Variants in ANKIB1 observed in about 807,000 individuals in gnomAD.
The protein encoded by ANKIB1 is ankyrin repeat and IBR domain containing 1.
A neutral mutation model predicts 122.1 loss-of-function variants in ANKIB1; 43 were observed. The observed-to-expected ratio is 0.35, with a 90% confidence interval of 0.28 to 0.45. ANKIB1 has a LOEUF of 0.45. Ranked by LOEUF, ANKIB1 falls within the 20% of genes least tolerant of loss-of-function variation. The pLI is 1.00. For synonymous variants in ANKIB1, 390 were observed against 442.0 expected, an observed-to-expected ratio of 0.88 and a Z score of 1.48; for missense variants, 992 against 1,329.5, an observed-to-expected ratio of 0.75 and a Z score of 3.95.
intron 1 of ANKIB1, chr7:92,294,469 G>T (rs1229360792): frequency 6.4e-6 from 1 of 156,422 alleles, no homozygotes; most frequent in East Asian, 1.8e-4. Flanking sequence ...TGCAGTTCTT[G>T]TTTGGGCAAA....
At chr7:92,308,213 GAGAA>G (rs978530528) in intron 3 of ANKIB1, among the ~76,000 whole-genome samples, 2 of 152,056 alleles carry the variant, frequency 1.3e-5, no homozygotes, top group Admixed American at 6.6e-5. Flanking sequence ...TTTAGGGAGA[GAGAA>G]AGCCTCACAG....
intron 10 of ANKIB1, 23 bp from the exon 11 acceptor site, chr7:92,371,454 T>C: frequency 6.3e-7 from 1 of 1,589,006 alleles, no homozygotes; most frequent in Admixed American, 1.8e-5. Flanking sequence ...TTTATTTTTG[T>C]GATTGTGTTT....
chr7:92,365,788 CTTTTTTTTTT>C (rs59131137), intron 10 of ANKIB1, among the ~76,000 whole-genome samples: 2 of 58,298 alleles, frequency 3.4e-5, no homozygotes, highest in East Asian at 6.2e-4. Flanking sequence ...ATTAAATAAT[CTTTTTTTTTT>C]TTTTTTTTTT....
intron 3 of ANKIB1, among the ~76,000 whole-genome samples, chr7:92,310,976 G>T (rs1312801026): frequency 6.6e-6 from 1 of 152,218 alleles, no homozygotes; most frequent in South Asian, 2.1e-4. Context: ...TTATTTTCAG[G>T]TGGTATCATA....
chr7:92,308,423 GGCAA>G (rs1019050469), intron 3 of ANKIB1, among the ~76,000 whole-genome samples: 1 of 151,920 alleles, frequency 6.6e-6, no homozygotes, highest in African/African-American at 2.4e-5. Flanking sequence ...GCAAATTTTT[GGCAA>G]GTGGGACCTA....
intron 4 of ANKIB1, among the ~76,000 whole-genome samples, chr7:92,323,796 A>G (rs1802966376): frequency 1.3e-5 from 2 of 152,372 alleles, no homozygotes; most frequent in South Asian, 4.1e-4. Flanking sequence ...CACACTATAT[A>G]TAATATGGAT....
At chr7:92,256,901 AG>A (rs1450382481) in intron 1 of ANKIB1, among the ~76,000 whole-genome samples, 1 of 152,220 alleles carries the variant, frequency 6.6e-6, no homozygotes, top group East Asian at 1.9e-4. Context: ...AATTGTCACA[AG>A]GGGCTGGCCA....
At chr7:92,367,139 G>C (rs1445880434) in intron 10 of ANKIB1, among the ~76,000 whole-genome samples, 1 of 152,204 alleles carries the variant, frequency 6.6e-6, no homozygotes, top group Non-Finnish European at 1.5e-5. Flanking sequence ...TTTTGATTTG[G>C]AAAGATGGAA....
intron 5 of ANKIB1, among the ~76,000 whole-genome samples, chr7:92,341,911 C>A (rs570526756): frequency 2.0e-5 from 3 of 152,020 alleles, no homozygotes; most frequent in South Asian, 2.1e-4. Flanking sequence ...GGACTTAACC[C>A]CATCGTAAGT....
chr7:92,261,316 TC>T (rs1411302471), intron 1 of ANKIB1, among the ~76,000 whole-genome samples: 3 of 139,842 alleles, frequency 2.1e-5, no homozygotes, highest in Non-Finnish European at 4.5e-5. Flanking sequence ...GCCACTGCAC[TC>T]CAGCCTGGGC....
chr7:92,257,704 A>G (rs1025286855), intron 1 of ANKIB1, among the ~76,000 whole-genome samples: 5 of 152,226 alleles, frequency 3.3e-5, no homozygotes, highest in Non-Finnish European at 5.9e-5. Flanking sequence ...AGGCAGGAGA[A>G]TCACTTGAAC....
At chr7:92,324,097 G>A (rs1802972379) in intron 4 of ANKIB1, among the ~76,000 whole-genome samples, 1 of 152,160 alleles carries the variant, frequency 6.6e-6, no homozygotes, top group Non-Finnish European at 1.5e-5. Context: ...AATGTTTATA[G>A]GACTTTCTTT....
chr7:92,262,783 T>A (rs982871650), intron 1 of ANKIB1, among the ~76,000 whole-genome samples: 36 of 152,128 alleles, frequency 2.4e-4, no homozygotes, highest in African/African-American at 8.2e-4. Flanking sequence ...AGAAAAAAGA[T>A]TTTAGAAACA....
At chr7:92,331,874 A>G (rs1171303229) in intron 5 of ANKIB1, among the ~76,000 whole-genome samples, 1 of 152,108 alleles carries the variant, frequency 6.6e-6, no homozygotes, top group Admixed American at 6.5e-5. Flanking sequence ...CAGCCAAATC[A>G]TATAGTGTTC....
At chr7:92,354,809 G>A (rs1315409709) in intron 9 of ANKIB1, among the ~76,000 whole-genome samples, 1 of 152,114 alleles carries the variant, frequency 6.6e-6, no homozygotes, top group African/African-American at 2.4e-5. Context: ...TCAATGAGAA[G>A]CAAAATCTGT....
intron 2 of ANKIB1, 86 bp downstream of exon 2, chr7:92,295,252 T>C (rs1248153920): frequency 9.8e-7 from 1 of 1,022,330 alleles, no homozygotes; most frequent in African/African-American, 1.6e-5. Context: ...GAACTATGAT[T>C]TTTGAAAATA....
intron 2 of ANKIB1, among the ~76,000 whole-genome samples, chr7:92,295,788 G>A (rs1802342939): frequency 6.6e-6 from 1 of 152,146 alleles, no homozygotes; most frequent in Admixed American, 6.5e-5. Context: ...GGAAGCTTTA[G>A]TGACATAGCA....
At chr7:92,260,840 A>G (rs867227203) in intron 1 of ANKIB1, among the ~76,000 whole-genome samples, 2 of 152,212 alleles carry the variant, frequency 1.3e-5, no homozygotes, top group African/African-American at 2.4e-5. Flanking sequence ...TTCGCCTACA[A>G]TAATGCCTAG....
At chr7:92,338,384 A>C (rs1214827278) in intron 5 of ANKIB1, among the ~76,000 whole-genome samples, 4 of 151,906 alleles carry the variant, frequency 2.6e-5, no homozygotes. Context: ...GCCCCACTGC[A>C]CTCTAGGCTG....
Sources: gnomAD v4.1 joint callset for allele counts (sites outside exome capture counted in the v4.1 genomes callset) on GRCh38, gnomAD v4.1.1 for gene constraint, MANE v1.5 for transcripts, NCBI Gene and HGNC (gene_info 2026-07-23, HGNC 2026-07-21) for gene names.